The following GRIK4 variants were observed in gnomAD, a reference collection of about 807,000 sequenced individuals.
GRIK4 encodes the protein glutamate receptor ionotropic, kainate 4.
GRIK4 carries 40 observed loss-of-function variants against 104.9 expected under a neutral mutation model. That is an observed-to-expected ratio of 0.38 (90% CI 0.30 to 0.50). GRIK4 has a LOEUF of 0.50. Among genes scored for constraint, GRIK4 ranks in the 20% least tolerant of loss-of-function variants. The pLI is 0.93. For missense variants in GRIK4, 1,047 were observed against 1,308.1 expected (o/e 0.80, Z 3.08); for synonymous variants, 485 against 524.9 (o/e 0.92, Z 1.04).
At chr11:120,900,698 T>TGA (rs1165800385) in intron 12 of GRIK4, among the ~76,000 whole-genome samples, 1 of 150,836 alleles carries the variant, frequency 6.6e-6, no homozygotes, top group Non-Finnish European at 1.5e-5. Flanking sequence ...CTGGTGGAGG[T>TGA]GAGGACGCAG....
chr11:120,925,464 G>A (rs1196131108), intron 13 of GRIK4, among the ~76,000 whole-genome samples: 1 of 152,150 alleles, frequency 6.6e-6, no homozygotes, highest in Non-Finnish European at 1.5e-5. Context: ...ATTAGTTCAG[G>A]TCTGCAGGTT....
intron 4 of GRIK4, among the ~76,000 whole-genome samples, chr11:120,812,170 C>T (rs1952842767): frequency 6.6e-6 from 1 of 152,162 alleles, no homozygotes; most frequent in Non-Finnish European, 1.5e-5. Context: ...GTCAGATGGT[C>T]GGAACCTGGC....
chr11:120,545,142 C>G (rs981607595), intron 1 of GRIK4, among the ~76,000 whole-genome samples: 3 of 152,068 alleles, frequency 2.0e-5, no homozygotes, highest in Non-Finnish European at 4.4e-5. Context: ...TCCTGTGGCT[C>G]TCTGCAGGGT....
At chr11:120,676,397 C>A (rs1261825960) in intron 3 of GRIK4, among the ~76,000 whole-genome samples, 1 of 152,176 alleles carries the variant, frequency 6.6e-6, no homozygotes, top group Non-Finnish European at 1.5e-5. Context: ...AACACCCAAG[C>A]CTAGGCAATT....
chr11:120,923,719 G>T (rs756772353), intron 13 of GRIK4, among the ~76,000 whole-genome samples: 2 of 152,004 alleles, frequency 1.3e-5, no homozygotes, highest in Non-Finnish European at 2.9e-5. Flanking sequence ...GGCCCCATTC[G>T]CTCATTTAAT....
At chr11:120,785,262 TGCTG>T (rs1363601052) in intron 3 of GRIK4, among the ~76,000 whole-genome samples, 2 of 152,222 alleles carry the variant, frequency 1.3e-5, no homozygotes, top group Non-Finnish European at 1.5e-5. Context: ...GGCTGGCCAG[TGCTG>T]GCTGGCTGAG....
intron 1 of GRIK4, among the ~76,000 whole-genome samples, chr11:120,594,249 C>A (rs902587751): frequency 6.6e-6 from 1 of 152,116 alleles, no homozygotes; most frequent in Non-Finnish European, 1.5e-5. Flanking sequence ...AGGCCAAGGC[C>A]GGCAGATTGC....
At chr11:120,863,761 G>A (rs1380002039) in intron 9 of GRIK4, among the ~76,000 whole-genome samples, 6 of 152,286 alleles carry the variant, frequency 3.9e-5, no homozygotes, top group Non-Finnish European at 2.9e-5. Context: ...TGGCCAACAC[G>A]GTGACCTTGG....
In GRIK4 at chr11:120,876,158, CCAT is replaced by C. The variant is rs1359831827; in HGVS notation, c.1164+924_1164+926del. On this transcript the variant is annotated intron_variant, in intron 11 of 20. Transcript: ENST00000527524. ...ATCACTGTCATCATCACCACCACCACCATCATCATCACCACCCCCACCATCATC... is the reference window on the plus strand; with the variant it reads ...ATCACTGTCATCATCACCACCACCACCATCATCACCACCCCCACCATCATC... Among the ~76,000 whole-genome samples the C allele has an allele frequency of 1.2e-3, 173 of 147,308 alleles. 1 individual carries two copies. Among genetic ancestry groups the C allele is most frequent in the Admixed American group, 9.4e-4 (14 of 14,848 alleles).
In GRIK4 at chr11:120,549,257, C is replaced by T. The variant is rs923264023; in HGVS notation, c.-159+37370C>T. Among the ~76,000 whole-genome samples the T allele has an allele frequency of 2.0e-5, 3 of 151,872 alleles. No homozygotes were observed. Among genetic ancestry groups the T allele is most frequent in the African/African-American group, 7.3e-5 (3 of 41,298 alleles). On this transcript the variant is annotated intron_variant, in intron 1 of 20. Coordinates refer to ENST00000527524, the MANE Select transcript of GRIK4 (RefSeq NM_014619.5). The surrounding 1 kb of genome is among the most constrained non-coding windows in gnomAD (Gnocchi z 4.7). ...GGGATTACAGGCACACGCCACTACACCTGGCTAATTTTTGTATATATTTTT... is the reference window on the plus strand; with the variant it reads ...GGGATTACAGGCACACGCCACTACATCTGGCTAATTTTTGTATATATTTTT...
chr11:120,528,418 T>C lies in GRIK4; in HGVS notation c.-159+16531T>C, dbSNP rs1293336560. On this transcript the variant is annotated intron_variant, in intron 1 of 20. Transcript: ENST00000527524. ...GAGCCACCAAGCCCGACCCTATAATTTTTTTATATTAAGTCTGTCTGAAAT... is the reference window on the plus strand; with the variant it reads ...GAGCCACCAAGCCCGACCCTATAATCTTTTTATATTAAGTCTGTCTGAAAT... Among the ~76,000 whole-genome samples, 4 of 152,216 alleles carry C rather than the reference T, an allele frequency of 2.6e-5. No homozygotes were observed. In the East Asian group the frequency reaches 7.7e-4, roughly 29 times the overall value.
At chr11:120,522,854 G>A (rs1947811590) in intron 1 of GRIK4, among the ~76,000 whole-genome samples, 1 of 152,194 alleles carries the variant, frequency 6.6e-6, no homozygotes, top group Non-Finnish European at 1.5e-5. Context: ...CCACAGGGCT[G>A]CGCTGAGGGT....
chr11:120,614,597 C>T (rs1949082417), intron 1 of GRIK4, among the ~76,000 whole-genome samples: 1 of 152,212 alleles, frequency 6.6e-6, no homozygotes, highest in South Asian at 2.1e-4. Flanking sequence ...GAAGACATCT[C>T]CTGTGGCTGT....
chr11:120,711,971 G>T (rs1950742540), intron 3 of GRIK4, among the ~76,000 whole-genome samples: 1 of 142,658 alleles, frequency 7.0e-6, no homozygotes, highest in Admixed American at 6.7e-5. Flanking sequence ...CATGCACTCA[G>T]GAAATGATTA....
Position 120,861,067 on chromosome 11 carries a change from G to A in GRIK4, c.745-892G>A, listed in dbSNP as rs1448611424. Among the ~76,000 whole-genome samples, 4 of 130,370 alleles carry A rather than the reference G, an allele frequency of 3.1e-5. No homozygotes were observed. In the Admixed American group the frequency reaches 3.1e-4, roughly 10 times the overall value. The allele number at this position is 130,370 out of a possible 152,430, so 85.5% of individuals were successfully genotyped here. ...CTCCCCAGATTCGGATTCAGGTAGT[G>A]TTAGGTAGGGTTCAGAAATCATCCT... is the stretch of plus-strand genomic sequence containing the variant. On this transcript the variant is annotated intron_variant, in intron 8 of 20. Transcript: ENST00000527524.
At chr11:120,779,042 C>G (rs1952097749) in intron 3 of GRIK4, among the ~76,000 whole-genome samples, 1 of 152,114 alleles carries the variant, frequency 6.6e-6, no homozygotes, top group African/African-American at 2.4e-5. Context: ...TGAGCGCCGA[C>G]TTAGTGGGAC....
chr11:120,621,911 G>GT lies in GRIK4; in HGVS notation c.-158-31767dup, dbSNP rs577664602. On this transcript the variant is annotated intron_variant, in intron 1 of 20. Transcript: ENST00000527524. The stretch of plus-strand genomic sequence containing the variant: ...TATTATTATTATTGTTTTAATTTTT[G>GT]TTTTTTTGAGACAGAGTCTCACTCT... Among the ~76,000 whole-genome samples the GT allele has an allele frequency of 4.6e-5, 7 of 151,542 alleles. No homozygotes were observed. The South Asian group carries it at 1.5e-3, about 32-fold the overall frequency.
At chr11:120,811,755 A>T (rs544588687) in intron 4 of GRIK4, among the ~76,000 whole-genome samples, 1 of 152,216 alleles carries the variant, frequency 6.6e-6, no homozygotes, top group Non-Finnish European at 1.5e-5. Flanking sequence ...TAAACTGTTC[A>T]TAAGTATTTT....
intron 11 of GRIK4, among the ~76,000 whole-genome samples, chr11:120,876,657 T>G (rs113783672): frequency 0.015 from 2,329 of 152,168 alleles, 60 homozygotes; most frequent in African/African-American, 0.053. Context: ...AGGCTCAGGG[T>G]GACTGACTGA....
Sources: allele counts gnomAD v4.1 joint callset (sites outside exome capture counted in the v4.1 genomes callset), GRCh38; gene constraint gnomAD v4.1.1; non-coding constraint Gnocchi (gnomAD v3.1); transcripts MANE v1.5; gene names NCBI Gene and HGNC (gene_info 2026-07-23, HGNC 2026-07-21).